COL25A1: variants seen among roughly 807,000 people sequenced by gnomAD.
COL25A1 encodes collagen type XXV alpha 1 chain.
In COL25A1, 103 loss-of-function variants were observed where a neutral mutation model predicts 128.4. The observed-to-expected ratio is 0.80, with a 90% CI of 0.68 to 0.94. The LOEUF (loss-of-function observed/expected upper bound fraction) is 0.94, where lower values mean the gene tolerates loss of function less well. Among genes scored for constraint, COL25A1 ranks in the 40% least tolerant of loss-of-function variants. The probability of loss-of-function intolerance (pLI) is 0.00; values close to 1 mark genes in which losing one functional copy is unlikely to be tolerated. For missense variants in COL25A1, 745 were observed against 840.0 expected, an observed-to-expected ratio of 0.89 and a Z score of 1.40; for synonymous variants, 279 against 277.2, an observed-to-expected ratio of 1.01 and a Z score of -0.06.
chr4:109,191,626 C>T (rs530735031), intron 3 of COL25A1, among the ~76,000 whole-genome samples: 1 of 152,240 alleles, frequency 6.6e-6, no homozygotes, highest in East Asian at 1.9e-4. Context: ...ATATTTATTG[C>T]CCCGAAAATA....
At chr4:109,001,391 C>G (rs1755369474) in intron 6 of COL25A1, among the ~76,000 whole-genome samples, 2 of 152,172 alleles carry the variant, frequency 1.3e-5, no homozygotes, top group Non-Finnish European at 2.9e-5. Context: ...GAGATCCTGT[C>G]AGGTAGGCAT....
At chr4:108,817,478 A>T (rs1731352119) in intron 36 of COL25A1, 43 bp from the exon 37 acceptor site, 2 of 1,588,944 alleles carry the variant, frequency 1.3e-6, no homozygotes, top group East Asian at 4.5e-5. Flanking sequence ...GTTCCATAAG[A>T]GTGATTAAAC....
intron 3 of COL25A1, among the ~76,000 whole-genome samples, chr4:109,176,769 T>C (rs1180030857): frequency 6.6e-6 from 1 of 151,880 alleles, no homozygotes; most frequent in Non-Finnish European, 1.5e-5. Flanking sequence ...TTCTTTAAAA[T>C]AAAAGGAAAA....
At chr4:108,892,615 T>C (rs1010803590) in intron 16 of COL25A1, among the ~76,000 whole-genome samples, 1 of 152,230 alleles carries the variant, frequency 6.6e-6, no homozygotes, top group East Asian at 1.9e-4. Context: ...AAAATATTAT[T>C]GATGGAAAGC....
At chr4:109,225,027 G>C (rs1197423515) in intron 3 of COL25A1, among the ~76,000 whole-genome samples, 1 of 152,146 alleles carries the variant, frequency 6.6e-6, no homozygotes. Flanking sequence ...TCAGCCTAGA[G>C]TAAGTCCCTA....
At chr4:108,955,981 CA>C (rs201778168) in intron 8 of COL25A1, among the ~76,000 whole-genome samples, 16 of 149,436 alleles carry the variant, frequency 1.1e-4, no homozygotes, top group East Asian at 7.8e-4. Context: ...GAGCATTTGC[CA>C]AAAAAAAATT....
chr4:109,155,396 T>C (rs1771931039), intron 3 of COL25A1, among the ~76,000 whole-genome samples: 1 of 152,184 alleles, frequency 6.6e-6, no homozygotes, highest in Admixed American at 6.5e-5. Flanking sequence ...ACAACAGGGT[T>C]TTTAAAGGAC....
At chr4:109,154,429 A>C (rs1183611719) in intron 3 of COL25A1, among the ~76,000 whole-genome samples, 2 of 152,110 alleles carry the variant, frequency 1.3e-5, no homozygotes, top group African/African-American at 4.8e-5. Context: ...CTCACACACA[A>C]ACACACACAT....
chr4:109,098,246 C>A (rs1387715363), intron 3 of COL25A1, among the ~76,000 whole-genome samples: 1 of 152,136 alleles, frequency 6.6e-6, no homozygotes. Flanking sequence ...GTTTCTAAGA[C>A]CCATACTGTC....
At chr4:108,900,454 T>G (rs1282977798) in intron 14 of COL25A1, among the ~76,000 whole-genome samples, 3 of 152,166 alleles carry the variant, frequency 2.0e-5, no homozygotes, top group African/African-American at 7.2e-5. Flanking sequence ...TAAACATTAG[T>G]TTTGTACTTC....
intron 29 of COL25A1, 24 bp from the exon 30 acceptor site, chr4:108,844,593 G>A: frequency 1.2e-6 from 2 of 1,606,010 alleles, no homozygotes; most frequent in Non-Finnish European, 1.7e-6. Flanking sequence ...AAATAAAAAT[G>A]TATTTGGTTA....
intron 3 of COL25A1, among the ~76,000 whole-genome samples, chr4:109,201,038 C>T (rs1776518338): frequency 6.6e-6 from 1 of 152,128 alleles, no homozygotes; most frequent in South Asian, 2.1e-4. Context: ...TCCCTCCTGT[C>T]CTTTCTTCAT....
chr4:108,892,216 C>T (rs2125849051), intron 16 of COL25A1, among the ~76,000 whole-genome samples: 1 of 152,256 alleles, frequency 6.6e-6, no homozygotes, highest in South Asian at 2.1e-4. Context: ...CTCTTAGCTT[C>T]ATAAGTCAGT....
At chr4:108,881,380 T>G (rs1740108314) in intron 19 of COL25A1, among the ~76,000 whole-genome samples, 1 of 152,112 alleles carries the variant, frequency 6.6e-6, no homozygotes, top group South Asian at 2.1e-4. Flanking sequence ...ATGTCATGAC[T>G]GGTTTCCTCA....
At chr4:109,015,601 C>T (rs1046577317) in intron 5 of COL25A1, among the ~76,000 whole-genome samples, 2 of 152,096 alleles carry the variant, frequency 1.3e-5, no homozygotes, top group African/African-American at 4.8e-5. Flanking sequence ...ACTCACTGTA[C>T]GTCAACAGCT....
At chr4:108,997,528 C>T (rs1404722799) in intron 6 of COL25A1, among the ~76,000 whole-genome samples, 2 of 152,092 alleles carry the variant, frequency 1.3e-5, no homozygotes, top group Non-Finnish European at 2.9e-5. Context: ...AATTCACAGC[C>T]GAATTCTACC....
chr4:109,301,602 G>C, intron 2 of COL25A1, 121 bp downstream of exon 2: 1 of 1,080,978 alleles, frequency 9.3e-7, no homozygotes, highest in African/African-American at 1.6e-5. Flanking sequence ...ACACATGCAC[G>C]CGCGCGCACA....
intron 35 of COL25A1, among the ~76,000 whole-genome samples, chr4:108,821,999 C>T (rs1190983721): frequency 2.7e-5 from 4 of 145,750 alleles, no homozygotes; most frequent in Non-Finnish European, 6.0e-5. Context: ...TGCTGTAATG[C>T]TGGTAATTTC....
intron 3 of COL25A1, among the ~76,000 whole-genome samples, chr4:109,274,415 A>G (rs1374755561): frequency 6.6e-6 from 1 of 152,188 alleles, no homozygotes; most frequent in Non-Finnish European, 1.5e-5. Flanking sequence ...ACTGGTTTAC[A>G]GAAAGAGAAA....
Sources: gnomAD v4.1 joint callset for allele counts (sites outside exome capture counted in the v4.1 genomes callset) on GRCh38, gnomAD v4.1.1 for gene constraint, MANE v1.5 for transcripts, NCBI Gene and HGNC (gene_info 2026-07-23, HGNC 2026-07-21) for gene names.